The following CNTN5 variants were observed in gnomAD, a reference collection of about 807,000 sequenced individuals.
CNTN5 encodes contactin 5, also known as contactin-5.
CNTN5 carries 77 observed loss-of-function variants against 129.1 expected under a neutral mutation model. The ratio of observed to expected loss-of-function variants is 0.60; its 90% CI spans 0.50 to 0.72. CNTN5 has a LOEUF of 0.72. CNTN5 is among the 30% of genes least tolerant of loss of function. CNTN5 has a pLI of 0.00. For missense variants in CNTN5, 1,478 were observed against 1,328.8 expected (o/e 1.11, Z -1.75); for synonymous variants, 509 against 465.6 (o/e 1.09, Z -1.20).
chr11:99,561,507 C>T (rs937223411), intron 3 of CNTN5, among the ~76,000 whole-genome samples: 7 of 152,074 alleles, frequency 4.6e-5, no homozygotes, highest in Non-Finnish European at 7.4e-5. Context: ...CTTAAGTATT[C>T]GCTGTGCATA....
chr11:99,525,435 G>A (rs529535015), intron 2 of CNTN5, among the ~76,000 whole-genome samples: 1 of 152,310 alleles, frequency 6.6e-6, no homozygotes, highest in East Asian at 1.9e-4. Flanking sequence ...CAGATGAATA[G>A]ATTATGAAAT....
chr11:100,031,958 G>C (rs1941734538), intron 9 of CNTN5, among the ~76,000 whole-genome samples: 1 of 152,120 alleles, frequency 6.6e-6, no homozygotes, highest in Admixed American at 6.6e-5. Context: ...CCTGGACCCA[G>C]CTTTCACTGT....
intron 3 of CNTN5, among the ~76,000 whole-genome samples, chr11:99,666,045 A>G (rs966243518): frequency 6.6e-6 from 1 of 151,808 alleles, no homozygotes; most frequent in African/African-American, 2.4e-5. Context: ...GCTCACTGCA[A>G]TCTCCACCTC....
At chr11:99,868,311 G>T (rs1034532902) in intron 6 of CNTN5, among the ~76,000 whole-genome samples, 5 of 151,224 alleles carry the variant, frequency 3.3e-5, no homozygotes, top group African/African-American at 1.2e-4. Flanking sequence ...AACAATAATT[G>T]TAAACAGAGC....
rs142806892 is a variant in CNTN5 at position 100,142,758 on chromosome 11, AT to A, written c.1581-48358del. On this transcript the variant is annotated intron_variant, in intron 13 of 24. Coordinates refer to ENST00000524871, the MANE Select transcript of CNTN5 (RefSeq NM_014361.4). ...ATTTTTTCACTGCATTAATGATGTC[AT>A]TTTTTTTTTACTGTAAAGTACTTAT... 1.0e-3 allele frequency among the ~76,000 whole-genome samples: 155 copies of A among 149,416 alleles called. 2 individuals are homozygous for A. The highest frequency in any genetic ancestry group is 2.5e-3 in the East Asian group (13 of 5,106).
chr11:99,777,327 A>G (rs933589585), intron 3 of CNTN5, among the ~76,000 whole-genome samples: 4 of 151,866 alleles, frequency 2.6e-5, no homozygotes, highest in Admixed American at 6.6e-5. Flanking sequence ...CATCTCATCA[A>G]AGAAATAAAA....
At chr11:99,943,556 T>C (rs751948519) in intron 7 of CNTN5, among the ~76,000 whole-genome samples, 2 of 152,200 alleles carry the variant, frequency 1.3e-5, no homozygotes, top group African/African-American at 4.8e-5. Flanking sequence ...CATTTGTCAG[T>C]GTTCGCTTTC....
intron 2 of CNTN5, among the ~76,000 whole-genome samples, chr11:99,465,436 A>C (rs1944892683): frequency 1.3e-5 from 2 of 152,094 alleles, no homozygotes; most frequent in African/African-American, 4.8e-5. Context: ...TAATGTTTAC[A>C]TATTAAGTAA....
At chr11:100,267,303 T>C (rs1048106671) in intron 17 of CNTN5, among the ~76,000 whole-genome samples, 107 of 117,468 alleles carry the variant, frequency 9.1e-4, no homozygotes, top group African/African-American at 2.3e-3. Flanking sequence ...AAAGAGAGAG[T>C]GAGCAAGCTC....
chr11:100,221,113 G>A lies in CNTN5; in HGVS notation c.1885-3579G>A, dbSNP rs543993435. 2.6e-5 allele frequency among the ~76,000 whole-genome samples: 4 copies of A among 152,296 alleles called. No individual in the cohort carries two copies. The East Asian group carries it at 7.7e-4, about 29-fold the overall frequency. On this transcript the variant is annotated intron_variant, in intron 15 of 24. Coordinates refer to ENST00000524871, the MANE Select transcript of CNTN5 (RefSeq NM_014361.4). Reference sequence around the variant, plus strand: ...CATAAACAGAGGGAAAGCTAAGGAAGCCTAGGGAGAGAGAGTCCAGAAAAA... The same window carrying A: ...CATAAACAGAGGGAAAGCTAAGGAAACCTAGGGAGAGAGAGTCCAGAAAAA...
chr11:99,278,053 C>A (rs922300426), intron 1 of CNTN5, among the ~76,000 whole-genome samples: 6 of 151,590 alleles, frequency 4.0e-5, no homozygotes, highest in African/African-American at 1.5e-4. Context: ...ACAAAGAAAG[C>A]AAAGCCTGTT....
intron 2 of CNTN5, among the ~76,000 whole-genome samples, chr11:99,372,615 T>C (rs1939889353): frequency 6.7e-6 from 1 of 150,288 alleles, no homozygotes; most frequent in Non-Finnish European, 1.5e-5. Context: ...GTTGAAAATG[T>C]GAAAAAAAAA....
At chr11:99,217,440 C>T (rs1033500643) in intron 1 of CNTN5, among the ~76,000 whole-genome samples, 1 of 152,042 alleles carries the variant, frequency 6.6e-6, no homozygotes, top group Non-Finnish European at 1.5e-5. Flanking sequence ...TGAATACGAG[C>T]AAGGGTGTGG....
rs774797660 is a variant in CNTN5, at chr11:99,382,844, A to AGTTTTTTTTTTTTTT, written c.-71+57360_-71+57361insGTTTTTTTTTTTTTT. ...CACATCTCACTAGTGTCTCTAAATA[A>AGTTTTTTTTTTTTTT]CTTTTTTTTTTTTTTTTTTTTTTTT... On this transcript the variant is annotated intron_variant, in intron 2 of 24. Coordinates refer to ENST00000524871, the MANE Select transcript of CNTN5 (RefSeq NM_014361.4). Among the ~76,000 whole-genome samples, 7 of 69,328 alleles carry AGTTTTTTTTTTTTTT rather than the reference A, an allele frequency of 1.0e-4. 1 individual carries two copies. The highest frequency in any genetic ancestry group is 8.9e-4 in the East Asian group (1 of 1,122). 45.5% of individuals were successfully genotyped at this position (69,328 alleles called of 152,430 possible). A position where few individuals can be genotyped will look rare whatever the true frequency, so the allele number is the denominator to read the frequency against.
chr11:99,295,285 T>C (rs1305807215), intron 1 of CNTN5, among the ~76,000 whole-genome samples: 1 of 152,192 alleles, frequency 6.6e-6, no homozygotes, highest in Non-Finnish European at 1.5e-5. Context: ...AACTGAAATA[T>C]TGTAATCTAC....
At chr11:99,687,030 G>A (rs1287749779) in intron 3 of CNTN5, among the ~76,000 whole-genome samples, 1 of 152,130 alleles carries the variant, frequency 6.6e-6, no homozygotes, top group East Asian at 1.9e-4. Context: ...CTCAGGAGAT[G>A]TAGATATACT....
intron 2 of CNTN5, among the ~76,000 whole-genome samples, chr11:99,555,432 T>G (rs751760153): frequency 7.9e-5 from 12 of 152,010 alleles, no homozygotes; most frequent in Non-Finnish European, 1.5e-4. Context: ...ATTCTTTTCA[T>G]GTTTATTGTA....
At chr11:99,466,140 C>G (rs1944932928) in intron 2 of CNTN5, among the ~76,000 whole-genome samples, 1 of 152,132 alleles carries the variant, frequency 6.6e-6, no homozygotes, top group Non-Finnish European at 1.5e-5. Flanking sequence ...CCTTGGCCTC[C>G]CAAAGTGCTG....
chr11:100,286,228 G>C (rs998263112), intron 18 of CNTN5, among the ~76,000 whole-genome samples: 3 of 152,350 alleles, frequency 2.0e-5, no homozygotes, highest in African/African-American at 7.2e-5. Flanking sequence ...AAGCAGCAGG[G>C]AAGCTCCAAC....
Sources: allele counts gnomAD v4.1 joint callset (sites outside exome capture counted in the v4.1 genomes callset), GRCh38; gene constraint gnomAD v4.1.1; transcripts MANE v1.5; gene names NCBI Gene and HGNC (gene_info 2026-07-23, HGNC 2026-07-21).